The following AKT2 variants were observed in gnomAD, a reference collection of about 807,000 sequenced individuals.
AKT2 encodes RAC-beta serine/threonine-protein kinase.
Under a neutral mutation model 58.6 loss-of-function variants are expected in AKT2, and 16 were observed. That is an observed-to-expected ratio of 0.27 (90% CI 0.18 to 0.41). The LOEUF (loss-of-function observed/expected upper bound fraction) is 0.41. Among genes scored for constraint, AKT2 ranks in the 10% least tolerant of loss-of-function variants. AKT2 has a pLI of 1.00. For missense variants in AKT2, 438 were observed against 661.0 expected, an observed-to-expected ratio of 0.66 and a Z score of 3.70; for synonymous variants, 253 against 254.0, an observed-to-expected ratio of 1.00 and a Z score of 0.04.
chr19:40,241,811 A>G, intron 6 of AKT2, 127 bp downstream of exon 6: 1 of 1,405,760 alleles, frequency 7.1e-7, no homozygotes, highest in Non-Finnish European at 9.8e-7. Flanking sequence ...TTTTCTGACT[A>G]GGGGGAATTT....
intron 1 of AKT2, among the ~76,000 whole-genome samples, chr19:40,277,773 C>A (rs1171172010): frequency 6.6e-6 from 1 of 152,232 alleles, no homozygotes; most frequent in African/African-American, 2.4e-5. Flanking sequence ...CCTCCTTCAG[C>A]CACACCAAGC....
In AKT2 at chr19:40,231,665, A is replaced by G; in HGVS notation, c.*2207T>C. ...CTGGTCCCTGGTCCCTTGCTGGGGG[A>G]GGTGTTCCATCCGGCCAGCGCCCGG... On this transcript the variant is annotated 3_prime_UTR_variant, in exon 14 of 14. Transcript: ENST00000392038. 4.3e-6 allele frequency: 1 copy of G among 233,262 alleles called. No homozygotes were observed. Among genetic ancestry groups the G allele is most frequent in the Non-Finnish European group, 8.5e-6 (1 of 118,126 alleles). 14.4% of individuals were successfully genotyped at this position (233,262 alleles called of 1,614,324 possible). A position where few individuals can be genotyped will look rare whatever the true frequency, so the allele number is the denominator to read the frequency against.
At chr19:40,259,356 CTGGATATCCACATTCAAAAGAA>C (rs1178631828) in intron 2 of AKT2, among the ~76,000 whole-genome samples, 1 of 152,170 alleles carries the variant, frequency 6.6e-6, no homozygotes, top group Non-Finnish European at 1.5e-5. Context: ...ACTGAGGCAA[CTGGATATCCACATTCAAAAGAA>C]TGGATATCAC....
intron 1 of AKT2, among the ~76,000 whole-genome samples, chr19:40,277,574 C>A (rs1465951170): frequency 3.3e-5 from 5 of 152,188 alleles, no homozygotes; most frequent in Admixed American, 6.5e-5. Context: ...GCTCTCTCCC[C>A]CTCACCCACT....
At chr19:40,265,165 T>A in intron 2 of AKT2, 57 bp downstream of exon 2, 2 of 1,591,078 alleles carry the variant, frequency 1.3e-6, no homozygotes, top group Non-Finnish European at 8.6e-7. Flanking sequence ...AGGGCACAGC[T>A]TTCCAGGAGG....
chr19:40,236,346 T>C lies in AKT2; in HGVS notation c.871A>G (p.Ile291Val), dbSNP rs762379584. 6 of 1,614,066 alleles carry C rather than the reference T, an allele frequency of 3.7e-6. No homozygotes were observed. Among genetic ancestry groups the C allele is most frequent in the Non-Finnish European group, 5.1e-6 (6 of 1,180,022 alleles). Residue 291 changes from isoleucine (I) to valine (V), a missense_variant, in exon 10 of 14, where the codon ATC (isoleucine) becomes GTC (valine). Coordinates refer to ENST00000392038, the MANE Select transcript of AKT2 (RefSeq NM_001626.6). ...TCTTTGCAGAGGCCAAAGTCAGTGA[T>C]CTTGATGTGGCCATCTTTGTCCAGC... ...LMLDKDGHIK[I>V]TDFGLCKEGI...
At position 40,233,170 on chromosome 19, in the gene AKT2, C is replaced by T; in HGVS notation, c.*702G>A. The T allele has an allele frequency of 4.2e-6, 1 of 239,832 alleles. No homozygotes were observed. 14.9% of individuals were successfully genotyped at this position (239,832 alleles called of 1,614,324 possible). On this transcript the variant is annotated 3_prime_UTR_variant, in exon 14 of 14. Coordinates refer to ENST00000392038, the MANE Select transcript of AKT2 (RefSeq NM_001626.6). The surrounding 1 kb of genome is among the most constrained non-coding windows in gnomAD (Gnocchi z 4.3). ...GGTTTGGCCCCAAATGTTCCTCCTG[C>T]CTCATCCATAGGGTGAGGACAGTTT...
In AKT2 at chr19:40,242,185, G is replaced by A. The variant is rs1347254294; in HGVS notation, c.442-116C>T. On this transcript the variant is annotated intron_variant, in intron 5 of 13. Coordinates refer to ENST00000392038, the MANE Select transcript of AKT2 (RefSeq NM_001626.6). The surrounding 1 kb of genome is among the most constrained non-coding windows in gnomAD (Gnocchi z 4.3). ...ACACTGTTGCCAAACGGCTTAGGCT[G>A]GAGCAGGAAGGGAGGCTCTGGGCAG... 2.3e-5 allele frequency: 34 copies of A among 1,448,782 alleles called. 1 individual carries two copies. The Middle Eastern group carries it at 1.6e-3, about 69-fold the overall frequency. 89.7% of individuals were successfully genotyped at this position (1,448,782 alleles called of 1,614,324 possible).
At chr19:40,278,740 C>T (rs2077370744) in intron 1 of AKT2, among the ~76,000 whole-genome samples, 1 of 152,000 alleles carries the variant, frequency 6.6e-6, no homozygotes, top group African/African-American at 2.4e-5. Flanking sequence ...ATTCATCCCG[C>T]CGCCTCCTCA....
chr19:40,264,488 C>G (rs552199119), intron 2 of AKT2, among the ~76,000 whole-genome samples: 1 of 152,146 alleles, frequency 6.6e-6, no homozygotes, highest in Non-Finnish European at 1.5e-5. Context: ...CCTGCAGGCG[C>G]GACACAGCTG....
Position 40,235,372 on chromosome 19 carries a change from C to T in AKT2, c.1176-22G>A. ...AAGCCTGTGCAGAGACGGCCGTCAG[C>T]ACCTGCCTCCCGGAGCAGCTGGGTT... is the stretch of plus-strand genomic sequence containing the variant. On this transcript the variant is annotated intron_variant, in intron 11 of 13. Transcript: ENST00000392038. The surrounding 1 kb of genome is among the most constrained non-coding windows in gnomAD (Gnocchi z 6.3). 1.9e-6 allele frequency: 3 copies of T among 1,612,776 alleles called. No homozygotes were observed. Among genetic ancestry groups the T allele is most frequent in the Non-Finnish European group, 2.5e-6 (3 of 1,179,544 alleles).
chr19:40,238,741 G>GC lies in AKT2; in HGVS notation c.708+163dup, dbSNP rs924649603. Among the ~76,000 whole-genome samples, 11 of 152,024 alleles carry GC rather than the reference G, an allele frequency of 7.2e-5. No homozygotes were observed. Among genetic ancestry groups the GC allele is most frequent in the Non-Finnish European group, 1.5e-4 (10 of 67,962 alleles). ...TTAACCTCTCTGAGCCTCAGTGACT[G>GC]CCCCCCCAAAATGGAGACGAAGCCG... On this transcript the variant is annotated intron_variant, in intron 8 of 13. Coordinates refer to ENST00000392038, the MANE Select transcript of AKT2 (RefSeq NM_001626.6). This position sits in a 1 kb window ranked among gnomAD's most constrained non-coding sequence, Gnocchi z 5.1.
intron 4 of AKT2, among the ~76,000 whole-genome samples, chr19:40,254,950 G>A (rs992732507): frequency 2.0e-5 from 3 of 152,106 alleles, no homozygotes; most frequent in African/African-American, 7.2e-5. Flanking sequence ...CTGTGATTCC[G>A]ATGCACCCGC....
rs771687909 is a variant in AKT2 at position 40,242,622 on chromosome 19, T to C, written c.353A>G (p.Asp118Gly). ...NSLKQRAPGE[D>G]PMDYKCGSPS... Reference sequence around the variant, plus strand: ...GGAGCCACACTTGTAGTCCATGGGGTCCTCGCCTGGGGCCCGCTGCTTGAG... The same window carrying C: ...GGAGCCACACTTGTAGTCCATGGGGCCCTCGCCTGGGGCCCGCTGCTTGAG... The change falls in exon 5 of 14, where the codon GAC becomes GGC. Residue 118 changes from aspartate (D) to glycine (G), a missense_variant. Physicochemically the swap from Asp to Gly is moderately conservative, Grantham distance 94 (BLOSUM62 -1). Coordinates refer to ENST00000392038, the MANE Select transcript of AKT2 (RefSeq NM_001626.6). The surrounding 1 kb of genome is among the most constrained non-coding windows in gnomAD (Gnocchi z 4.3). 2 of 1,613,612 alleles carry C rather than the reference T, an allele frequency of 1.2e-6. No homozygotes were observed.
At chr19:40,271,466 AG>A (rs2077215622) in intron 1 of AKT2, among the ~76,000 whole-genome samples, 1 of 151,032 alleles carries the variant, frequency 6.6e-6, no homozygotes, top group Non-Finnish European at 1.5e-5. Flanking sequence ...CAAAGACAAC[AG>A]GAACTAGTGG....
intron 1 of AKT2, chr19:40,270,406 TGAA>T (rs375629047): frequency 0.11 from 17,415 of 152,092 alleles, 1,450 homozygotes; most frequent in African/African-American, 0.23. Context: ...ATGTACAGAG[TGAA>T]GCCCTGTGCC....
chr19:40,230,700 T>C lies in AKT2; in HGVS notation c.*3172A>G, dbSNP rs138643716. The C allele has an allele frequency of 4.6e-6, 1 of 217,414 alleles. No individual in the cohort carries two copies. The highest frequency in any genetic ancestry group is 9.2e-6 in the Non-Finnish European group (1 of 108,372). 13.5% of individuals were successfully genotyped at this position (217,414 alleles called of 1,614,324 possible). ...TATACTCCTGCTTTGCTGTCTTTTT[T>C]AATAGCATGTATCATGTTTTTTTTT... On this transcript the variant is annotated 3_prime_UTR_variant, in exon 14 of 14. Coordinates refer to ENST00000392038, the MANE Select transcript of AKT2 (RefSeq NM_001626.6).
At chr19:40,264,791 T>A (rs1371620235) in intron 2 of AKT2, among the ~76,000 whole-genome samples, 1 of 150,576 alleles carries the variant, frequency 6.6e-6, no homozygotes, top group African/African-American at 2.4e-5. Context: ...CGACATTCCA[T>A]GTCTACTTAT....
Position 40,242,410 on chromosome 19 carries a change from G to T in AKT2, c.441+124C>A. 3 of 1,456,464 alleles carry T rather than the reference G, an allele frequency of 2.1e-6. No homozygotes were observed. Among genetic ancestry groups the T allele is most frequent in the South Asian group, 2.3e-5 (2 of 87,490 alleles). 90.2% of individuals were successfully genotyped at this position (1,456,464 alleles called of 1,614,324 possible). A position where few individuals can be genotyped will look rare whatever the true frequency, so the allele number is the denominator to read the frequency against. On this transcript the variant is annotated intron_variant, in intron 5 of 13. Coordinates refer to ENST00000392038, the MANE Select transcript of AKT2 (RefSeq NM_001626.6). The surrounding 1 kb of genome is among the most constrained non-coding windows in gnomAD (Gnocchi z 4.3). ...CTGCCACCTGAAATCACCCCACCCT[G>T]CAGGGCAGCCTTGTCTCTCAGCTGA...
Sources: gnomAD v4.1 joint callset for allele counts (sites outside exome capture counted in the v4.1 genomes callset) on GRCh38, gnomAD v4.1.1 for gene constraint, Gnocchi (gnomAD v3.1) non-coding constraint, MANE v1.5 for transcripts, NCBI Gene and HGNC (gene_info 2026-07-23, HGNC 2026-07-21) for gene names.